Variants in XPOT observed in about 807,000 individuals in gnomAD.
XPOT encodes the protein exportin for tRNA, also known as exportin-T.
XPOT carries 34 observed loss-of-function variants against 128.2 expected under a neutral mutation model. The observed-to-expected ratio is 0.27, with a 90% CI of 0.20 to 0.35. The LOEUF (loss-of-function observed/expected upper bound fraction) is 0.35, where lower values mean the gene tolerates loss of function less well. Among genes scored for constraint, XPOT ranks in the 10% least tolerant of loss-of-function variants. The probability of loss-of-function intolerance (pLI) is 1.00; values close to 1 mark genes in which losing one functional copy is unlikely to be tolerated. For synonymous variants in XPOT, 348 were observed against 394.3 expected (o/e 0.88, Z 1.39); for missense variants, 838 against 1,125.3 (o/e 0.74, Z 3.65).
chr12:64,411,368 A>G (rs1158747327), intron 2 of XPOT, among the ~76,000 whole-genome samples: 1 of 152,136 alleles, frequency 6.6e-6, no homozygotes. Flanking sequence ...TGTTATTTTT[A>G]TGTGCCTCTT....
chr12:64,408,442 TCTC>T (rs2040002914), intron 1 of XPOT, among the ~76,000 whole-genome samples: 1 of 152,182 alleles, frequency 6.6e-6, no homozygotes, highest in African/African-American at 2.4e-5. Flanking sequence ...TAAGACTTGG[TCTC>T]CCTACCTTAT....
intron 24 of XPOT, among the ~76,000 whole-genome samples, chr12:64,446,485 G>T (rs1044466499): frequency 2.0e-5 from 3 of 152,150 alleles, no homozygotes; most frequent in Non-Finnish European, 4.4e-5. Context: ...GGTGTAGGCT[G>T]ATGTTATCTT....
chr12:64,430,627 G>A (rs1377331061), intron 17 of XPOT, among the ~76,000 whole-genome samples: 7 of 152,194 alleles, frequency 4.6e-5, no homozygotes, highest in African/African-American at 1.2e-4. Context: ...AGAGAAGAGC[G>A]TGAGGTTTCT....
In XPOT at chr12:64,423,139, A is replaced by G. The variant is rs1307621505; in HGVS notation, c.1120-43A>G. 4 of 1,593,086 alleles carry G rather than the reference A, an allele frequency of 2.5e-6. No individual in the cohort carries two copies. In the Admixed American group the frequency reaches 5.3e-5, roughly 21 times the overall value. On this transcript the variant is annotated intron_variant, in intron 10 of 24. Coordinates refer to ENST00000332707, the MANE Select transcript of XPOT (RefSeq NM_007235.6). ...TAATTTCAAATTATATCAAATTAGAAGGAGACTGACAAAAACTCTTTTATT... is the reference window on the plus strand; with the variant it reads ...TAATTTCAAATTATATCAAATTAGAGGGAGACTGACAAAAACTCTTTTATT...
intron 9 of XPOT, among the ~76,000 whole-genome samples, chr12:64,422,339 C>G (rs143634387): frequency 6.6e-6 from 1 of 152,106 alleles, no homozygotes; most frequent in Non-Finnish European, 1.5e-5. Flanking sequence ...TAACATGTAT[C>G]TTTATGTATA....
chr12:64,430,755 A>G (rs1256005151), intron 17 of XPOT, among the ~76,000 whole-genome samples: 1 of 152,228 alleles, frequency 6.6e-6, no homozygotes, highest in Non-Finnish European at 1.5e-5. Flanking sequence ...TTAGAAGTTA[A>G]ATTGTTCTAT....
rs1161311000 is a variant in XPOT at position 64,433,468 on chromosome 12, T to C, written c.2317T>C (p.Phe773Leu). ...GTTCATGCCCCTGCTTCATGCAATT[T>C]TTGAAGTGCTGCTCCGGCCAGCAGA... ...QMFMPLLHAI[F>L]EVLLRPAEEN... Residue 773 changes from phenylalanine (F) to leucine (L), a missense_variant, in exon 19 of 25, where the codon TTT becomes CTT. Phe to Leu is a conservative substitution (Grantham distance 22). Around this residue, in one of 3 missense-constraint regions of XPOT, gnomAD observed 761 missense variants for 988.3 expected, o/e 0.77. Transcript: ENST00000332707. 6.2e-7 allele frequency: 1 copy of C among 1,603,342 alleles called. No individual in the cohort carries two copies. Among genetic ancestry groups the C allele is most frequent in the Admixed American group, 1.7e-5 (1 of 58,992 alleles).
chr12:64,438,094 A>G (rs1592339267), intron 22 of XPOT, among the ~76,000 whole-genome samples: 1 of 152,234 alleles, frequency 6.6e-6, no homozygotes, highest in Non-Finnish European at 1.5e-5. Flanking sequence ...GATGCTAAAC[A>G]GTCAAGGTGG....
At chr12:64,410,274 T>C (rs529168768) in intron 2 of XPOT, among the ~76,000 whole-genome samples, 179 bp downstream of exon 2, 2 of 152,354 alleles carry the variant, frequency 1.3e-5, no homozygotes, top group South Asian at 4.1e-4. Context: ...ATTTATTTTC[T>C]GTTTACTTGG....
rs776360526 is a variant in XPOT at position 64,451,100 on chromosome 12, T to G, written c.*2969T>G. 13 of 152,250 alleles carry G rather than the reference T, an allele frequency of 8.5e-5. No individual in the cohort carries two copies. Among genetic ancestry groups the G allele is most frequent in the Non-Finnish European group, 1.6e-4 (11 of 68,040 alleles). The allele number at this position is 152,250 out of a possible 1,614,324, so 9.4% of individuals were successfully genotyped here. A position where few individuals can be genotyped will look rare whatever the true frequency, so the allele number is the denominator to read the frequency against. On this transcript the variant is annotated 3_prime_UTR_variant, in exon 25 of 25. Transcript: ENST00000332707. ...ATCACTTATACATTGTTTAAAATGCTAATAAAGTAACTTGCTTTGTAAGAA... is the reference window on the plus strand; with the variant it reads ...ATCACTTATACATTGTTTAAAATGCGAATAAAGTAACTTGCTTTGTAAGAA...
Position 64,420,265 on chromosome 12 carries a change from C to G in XPOT, c.674+11C>G. 2 of 1,587,378 alleles carry G rather than the reference C, an allele frequency of 1.3e-6. No individual in the cohort carries two copies. The highest frequency in any genetic ancestry group is 1.7e-6 in the Non-Finnish European group (2 of 1,169,952). ...TATAGCCAATGATAGGTAAGTATGCCTATTATTTTTATAGTATAAACTTGT... is the reference window on the plus strand; with the variant it reads ...TATAGCCAATGATAGGTAAGTATGCGTATTATTTTTATAGTATAAACTTGT... On this transcript the variant is annotated intron_variant, in intron 7 of 24. Coordinates refer to ENST00000332707, the MANE Select transcript of XPOT (RefSeq NM_007235.6).
intron 2 of XPOT, among the ~76,000 whole-genome samples, chr12:64,413,171 T>C (rs1340967618): frequency 1.3e-5 from 2 of 152,208 alleles, no homozygotes; most frequent in Admixed American, 1.3e-4. Context: ...AGTTACCTCA[T>C]TAACATAAAC....
Position 64,421,475 on chromosome 12 carries a change from A to G in XPOT, c.1080+4A>G, listed in dbSNP as rs780048069. On this transcript the variant is annotated splice_donor_region_variant and intron_variant, in intron 9 of 24. Coordinates refer to ENST00000332707, the MANE Select transcript of XPOT (RefSeq NM_007235.6). Reference sequence around the variant, plus strand: ...TTATCTTCATATTTTGAAACAGGTAAGTTTTTGTTTTATTCTTTTTGCTCA... The same window carrying G: ...TTATCTTCATATTTTGAAACAGGTAGGTTTTTGTTTTATTCTTTTTGCTCA... The G allele has an allele frequency of 2.5e-6, 4 of 1,596,772 alleles. No homozygotes were observed. The highest frequency in any genetic ancestry group is 2.7e-5 in the African/African-American group (2 of 74,530).
intron 12 of XPOT, 32 bp from the exon 13 acceptor site, chr12:64,425,006 T>C (rs1034913640): frequency 1.9e-6 from 3 of 1,610,652 alleles, no homozygotes. Flanking sequence ...AAATTTATCT[T>C]TAAATCTCAC....
At chr12:64,425,601 C>G (rs978163792) in intron 14 of XPOT, 144 bp downstream of exon 14, 1 of 1,138,966 alleles carries the variant, frequency 8.8e-7, no homozygotes, top group African/African-American at 1.6e-5. Context: ...ACCCCTCCTC[C>G]ATTTCTTTTA....
intron 9 of XPOT, among the ~76,000 whole-genome samples, chr12:64,421,689 T>TAAACC (rs1370177621): frequency 3.3e-5 from 5 of 151,766 alleles, no homozygotes; most frequent in African/African-American, 1.2e-4. Context: ...GCTTCAGAGG[T>TAAACC]AGTTATAGGT....
intron 1 of XPOT, among the ~76,000 whole-genome samples, chr12:64,407,679 C>T (rs1450810444): frequency 6.6e-6 from 1 of 152,094 alleles, no homozygotes; most frequent in East Asian, 1.9e-4. Flanking sequence ...GAAGAAAGAG[C>T]AGTGTGCAAA....
At chr12:64,420,925 C>T (rs1051978830) in intron 8 of XPOT, among the ~76,000 whole-genome samples, 3 of 152,092 alleles carry the variant, frequency 2.0e-5, no homozygotes, top group East Asian at 1.9e-4. Flanking sequence ...CTCAGCCTTC[C>T]GAGTAGCTGA....
chr12:64,424,345 A>G (rs1164554564), intron 11 of XPOT, among the ~76,000 whole-genome samples: 1 of 152,238 alleles, frequency 6.6e-6, no homozygotes, highest in Non-Finnish European at 1.5e-5. Context: ...ATTAAGCTTA[A>G]TAAGTTTTTC....
Sources: gnomAD v4.1 joint callset for allele counts (sites outside exome capture counted in the v4.1 genomes callset) on GRCh38, gnomAD v4.1.1 for gene constraint, gnomAD v4.1.1 regional missense constraint, MANE v1.5 for transcripts, NCBI Gene and HGNC (gene_info 2026-07-23, HGNC 2026-07-21) for gene names.